TNIK: variants seen among roughly 807,000 people sequenced by gnomAD.
TNIK encodes the protein TRAF2 and NCK interacting kinase.
A neutral mutation model predicts 191.3 loss-of-function variants in TNIK; 49 were observed. The observed-to-expected ratio is 0.26, with a 90% CI of 0.20 to 0.32. The LOEUF (loss-of-function observed/expected upper bound fraction) is 0.32, where lower values mean the gene tolerates loss of function less well. Ranked by LOEUF, TNIK falls within the 10% of genes least tolerant of loss-of-function variation. TNIK has a pLI of 1.00. For missense variants in TNIK, 1,155 were observed against 1,702.3 expected, an observed-to-expected ratio of 0.68 and a Z score of 5.66; for synonymous variants, 594 against 600.9, an observed-to-expected ratio of 0.99 and a Z score of 0.17.
intron 32 of TNIK, among the ~76,000 whole-genome samples, chr3:171,064,950 A>G (rs912064087): frequency 3.3e-5 from 5 of 152,242 alleles, no homozygotes; most frequent in Non-Finnish European, 7.3e-5. Context: ...CTTAGGGTCA[A>G]TGAATCAAAA....
chr3:171,147,206 G>A (rs1317345721), intron 12 of TNIK, among the ~76,000 whole-genome samples: 8 of 152,090 alleles, frequency 5.3e-5, no homozygotes, highest in Non-Finnish European at 8.8e-5. Context: ...ACAGGAAAAC[G>A]GCTGGTGCAA....
intron 7 of TNIK, among the ~76,000 whole-genome samples, chr3:171,177,797 C>G (rs747815566): frequency 1.3e-5 from 2 of 152,160 alleles, no homozygotes; most frequent in African/African-American, 2.4e-5. Context: ...ACAGTCAAAA[C>G]AGTAAACATA....
Position 171,107,184 on chromosome 3 carries a change from T to C in TNIK, c.2405A>G (p.Glu802Gly). ...RPASYKKAID[E>G]DLTALAKELR... ...TGACCAAGAAAAGGTAATACTAACC[T>C]CATCTATAGCTTTTTTGTAGCTCTG... is the stretch of plus-strand genomic sequence containing the variant. Residue 802 changes from glutamate (E) to glycine (G), a missense_variant and splice_region_variant, in exon 21 of 33, where the codon GAG becomes GGG. Transcript: ENST00000436636. 6.2e-7 allele frequency: 1 copy of C among 1,612,268 alleles called. No individual in the cohort carries two copies. Among genetic ancestry groups the C allele is most frequent in the South Asian group, 1.1e-5 (1 of 90,530 alleles).
intron 2 of TNIK, among the ~76,000 whole-genome samples, chr3:171,323,782 GTC>G (rs1172591694): frequency 1.3e-5 from 2 of 152,130 alleles, no homozygotes; most frequent in South Asian, 2.1e-4. Flanking sequence ...CCACCTGACT[GTC>G]TCTGTCTTCA....
intron 2 of TNIK, among the ~76,000 whole-genome samples, chr3:171,271,554 AT>A (rs1378378285): frequency 6.6e-6 from 1 of 152,186 alleles, no homozygotes; most frequent in African/African-American, 2.4e-5. Flanking sequence ...ACCAAATGCC[AT>A]TTCCTCCATA....
intron 3 of TNIK, among the ~76,000 whole-genome samples, chr3:171,215,215 G>A (rs1741316068): frequency 6.6e-6 from 1 of 152,130 alleles, no homozygotes; most frequent in Non-Finnish European, 1.5e-5. Flanking sequence ...TGGGAAGATA[G>A]GCAGTTTTCA....
intron 1 of TNIK, among the ~76,000 whole-genome samples, chr3:171,432,905 G>A (rs1244391508): frequency 6.6e-6 from 1 of 152,054 alleles, no homozygotes; most frequent in Non-Finnish European, 1.5e-5. Context: ...GAAAAACAAT[G>A]AGTTGTACTT....
At chr3:171,360,836 C>T (rs1167561481) in intron 2 of TNIK, among the ~76,000 whole-genome samples, 1 of 152,234 alleles carries the variant, frequency 6.6e-6, no homozygotes, top group Non-Finnish European at 1.5e-5. Context: ...AGATTTGGCT[C>T]TGCTCTGTAT....
chr3:171,436,814 AAC>A (rs1726083944), intron 1 of TNIK, among the ~76,000 whole-genome samples: 1 of 152,210 alleles, frequency 6.6e-6, no homozygotes, highest in Non-Finnish European at 1.5e-5. Context: ...AAAGACTGAG[AAC>A]AGGTTGAAGA....
At chr3:171,323,137 G>A (rs1014237559) in intron 2 of TNIK, among the ~76,000 whole-genome samples, 3 of 152,082 alleles carry the variant, frequency 2.0e-5, no homozygotes, top group African/African-American at 4.8e-5. Context: ...GACAAAGACC[G>A]TATTTCTAGA....
intron 1 of TNIK, among the ~76,000 whole-genome samples, chr3:171,407,773 T>C (rs1488903471): frequency 2.0e-5 from 3 of 152,222 alleles, no homozygotes; most frequent in African/African-American, 7.2e-5. Context: ...CCACTATGAA[T>C]GAAACACACA....
At chr3:171,359,548 C>G (rs1714663293) in intron 2 of TNIK, among the ~76,000 whole-genome samples, 1 of 152,052 alleles carries the variant, frequency 6.6e-6, no homozygotes, top group African/African-American at 2.4e-5. Flanking sequence ...GACCAAGATC[C>G]GAAGCAATAT....
rs5854420 is a variant in TNIK, at chr3:171,381,060, AT to A, written c.58-11376del. ...TAATAACAGGGCTTCATTTGCATCT[AT>A]TTTTTTTTCAAGCTTTTATATCTAT... On this transcript the variant is annotated intron_variant, in intron 1 of 32. Transcript: ENST00000436636. 7.1e-3 allele frequency among the ~76,000 whole-genome samples: 1,070 copies of A among 151,538 alleles called. 12 individuals carry two copies. The highest frequency in any genetic ancestry group is 0.021 in the African/African-American group (883 of 41,280).
At chr3:171,184,018 T>C (rs544119291) in intron 7 of TNIK, among the ~76,000 whole-genome samples, 54 of 151,390 alleles carry the variant, frequency 3.6e-4, no homozygotes, top group African/African-American at 1.2e-3. Flanking sequence ...AAGTACTATA[T>C]ATTGAGTACT....
chr3:171,089,344 T>C (rs143550067), intron 23 of TNIK, among the ~76,000 whole-genome samples: 274 of 152,380 alleles, frequency 1.8e-3, no homozygotes, highest in African/African-American at 6.3e-3. Context: ...TGTGTGCTAC[T>C]TTATGTATAC....
intron 2 of TNIK, among the ~76,000 whole-genome samples, chr3:171,327,925 A>AAAAAAAAAT (rs1755977321): frequency 8.0e-6 from 1 of 124,568 alleles, no homozygotes; most frequent in Non-Finnish European, 1.7e-5. Context: ...AAAAAAAAAA[A>AAAAAAAAAT]AAAAAATCAC....
intron 22 of TNIK, among the ~76,000 whole-genome samples, chr3:171,095,863 C>T (rs1722641403): frequency 6.6e-6 from 1 of 152,112 alleles, no homozygotes; most frequent in African/African-American, 2.4e-5. Context: ...TCATTTTCAA[C>T]ATGTCATTCC....
intron 27 of TNIK, among the ~76,000 whole-genome samples, chr3:171,080,886 C>T (rs1181036274): frequency 6.6e-6 from 1 of 152,130 alleles, no homozygotes; most frequent in Non-Finnish European, 1.5e-5. Context: ...CTAGGATGGA[C>T]ACGAGAGCCA....
intron 1 of TNIK, among the ~76,000 whole-genome samples, chr3:171,397,461 G>A: frequency 6.6e-6 from 1 of 152,186 alleles, no homozygotes; most frequent in South Asian, 2.1e-4. Context: ...TGTAGACTAG[G>A]AGGACCTAGG....
Sources: allele counts gnomAD v4.1 joint callset (sites outside exome capture counted in the v4.1 genomes callset), GRCh38; gene constraint gnomAD v4.1.1; transcripts MANE v1.5; gene names NCBI Gene and HGNC (gene_info 2026-07-23, HGNC 2026-07-21).